The following ALG12 variants were observed in gnomAD, a reference collection of about 807,000 sequenced individuals.
ALG12 encodes ALG12 alpha-1,6-mannosyltransferase, also known as dol-P-Man:Man(7)GlcNAc(2)-PP-Dol alpha-1,6-mannosyltransferase.
A neutral mutation model predicts 46.0 loss-of-function variants in ALG12; 36 were observed. The observed-to-expected ratio is 0.78, with a 90% confidence interval of 0.60 to 1.03. The LOEUF is 1.03. ALG12 is among the 50% of genes least tolerant of loss of function. ALG12 has a pLI of 0.00. For missense variants in ALG12, 599 were observed against 633.5 expected, an observed-to-expected ratio of 0.95 and a Z score of 0.58; for synonymous variants, 326 against 291.6, an observed-to-expected ratio of 1.12 and a Z score of -1.20.
At chr22:49,875,835 G>A in the ALG12 span, among the ~76,000 whole-genome samples, 1 of 152,052 alleles carries the variant, frequency 6.6e-6, no homozygotes, top group African/African-American at 2.4e-5. Flanking sequence ...ATTCCTGGTA[G>A]TGGTAAATTC....
chr22:49,915,917 G>A (rs2060606763), intron 1 of ALG12, among the ~76,000 whole-genome samples: 1 of 152,160 alleles, frequency 6.6e-6, no homozygotes, highest in Admixed American at 6.5e-5. Context: ...GAAGAAATCG[G>A]TAAAAACTCC....
the ALG12 span, chr22:49,884,586 C>G: frequency 6.2e-7 from 1 of 1,612,578 alleles, no homozygotes; most frequent in Non-Finnish European, 8.5e-7. Flanking sequence ...TCTGCATTCA[C>G]TGCATGAACG....
chr22:49,898,872 C>T (rs1464769285), downstream of ALG12, among the ~76,000 whole-genome samples: 2 of 152,152 alleles, frequency 1.3e-5, no homozygotes, highest in East Asian at 3.8e-4. Flanking sequence ...CCTGCCTCAG[C>T]CTCTCTAGTA....
the ALG12 span, chr22:49,887,287 C>T: frequency 1.7e-6 from 2 of 1,209,994 alleles, no homozygotes; most frequent in Non-Finnish European, 2.3e-6. Context: ...TCAGACCAGG[C>T]ACTCTCAGGG....
downstream of ALG12, among the ~76,000 whole-genome samples, chr22:49,898,195 C>G (rs764556006): frequency 1.3e-4 from 20 of 151,392 alleles, no homozygotes; most frequent in African/African-American, 4.4e-4. Flanking sequence ...TTTGTAGGGA[C>G]GGAGTATCAC....
chr22:49,909,679 C>T (rs1340886228), intron 5 of ALG12, among the ~76,000 whole-genome samples: 1 of 152,246 alleles, frequency 6.6e-6, no homozygotes, highest in South Asian at 2.1e-4. Flanking sequence ...AGCCCAAGGA[C>T]AAGGGACAGA....
In ALG12 at chr22:49,902,985, G is replaced by A. The variant is rs2060522476; in HGVS notation, c.*853C>T. On this transcript the variant is annotated 3_prime_UTR_variant, in exon 10 of 10. Transcript: ENST00000330817. ...GCACGTGTGCACTGTGTGCATGCGT[G>A]TGTGGTGTGTGTGCATGTATGCATG... 1 of 331,686 alleles carries A rather than the reference G, an allele frequency of 3.0e-6. No homozygotes were observed. The highest frequency in any genetic ancestry group is 2.2e-5 in the African/African-American group (1 of 45,334). The allele number at this position is 331,686 out of a possible 1,614,324, so 20.5% of individuals were successfully genotyped here. A position where few individuals can be genotyped will look rare whatever the true frequency, so the allele number is the denominator to read the frequency against.
chr22:49,862,196 G>A, the ALG12 span, among the ~76,000 whole-genome samples: 5 of 152,240 alleles, frequency 3.3e-5, no homozygotes, highest in Non-Finnish European at 7.3e-5. Context: ...CCCCGAGGGC[G>A]GTTGGCCCTG....
chr22:49,908,924 C>G (rs982110302), intron 6 of ALG12, among the ~76,000 whole-genome samples: 5 of 150,176 alleles, frequency 3.3e-5, no homozygotes, highest in African/African-American at 1.2e-4. Flanking sequence ...TGTACTCCAG[C>G]CTGGGCGACA....
At chr22:49,892,230 A>AGAG in the ALG12 span, among the ~76,000 whole-genome samples, 1 of 151,072 alleles carries the variant, frequency 6.6e-6, no homozygotes, top group South Asian at 2.1e-4. Context: ...AAGACATCAG[A>AGAG]GAGTAAGACA....
intron 3 of ALG12, among the ~76,000 whole-genome samples, chr22:49,911,686 G>A (rs1309056759): frequency 1.3e-5 from 2 of 152,200 alleles, no homozygotes; most frequent in East Asian, 1.9e-4. Flanking sequence ...CCCCCGCCTC[G>A]GCCTCCCAAA....
chr22:49,883,885 T>C, the ALG12 span: 1 of 1,606,024 alleles, frequency 6.2e-7, no homozygotes, highest in Non-Finnish European at 8.5e-7. Context: ...GGGGAAGTAC[T>C]TGTCTGCAGA....
chr22:49,897,312 G>C (rs753189261), downstream of ALG12, among the ~76,000 whole-genome samples: 4 of 152,186 alleles, frequency 2.6e-5, no homozygotes, highest in Non-Finnish European at 4.4e-5. Context: ...TTGTGTGGAC[G>C]TAAGTTTTCA....
At position 49,917,643 on chromosome 22, in the gene ALG12, G is replaced by T. The variant is rs141861124; in HGVS notation, c.-79+620C>A. Among the ~76,000 whole-genome samples the T allele has an allele frequency of 2.0e-3, 308 of 152,106 alleles. 2 individuals carry two copies. The highest frequency in any genetic ancestry group is 0.014 in the Middle Eastern group (4 of 292). On this transcript the variant is annotated intron_variant, in intron 1 of 9. Transcript: ENST00000330817. ...AGATCGCGCCACTGCACTCCAGCCT[G>T]GGCGACAAAGTGAGACTCCGTCTCA...
the ALG12 span, among the ~76,000 whole-genome samples, chr22:49,891,417 G>A: frequency 3.9e-5 from 6 of 152,154 alleles, no homozygotes; most frequent in African/African-American, 7.2e-5. Flanking sequence ...TCTGTTAATC[G>A]TCAGTCCTCT....
chr22:49,893,600 A>G, the ALG12 span, among the ~76,000 whole-genome samples: 1 of 152,208 alleles, frequency 6.6e-6, no homozygotes, highest in Admixed American at 6.5e-5. Context: ...TTTTGGACAA[A>G]ACAAAAAATT....
chr22:49,881,206 G>C, the ALG12 span, among the ~76,000 whole-genome samples: 1 of 152,072 alleles, frequency 6.6e-6, no homozygotes, highest in African/African-American at 2.4e-5. Flanking sequence ...GGAATTAGCC[G>C]GGTGTCATGG....
At chr22:49,873,992 G>C in the ALG12 span, among the ~76,000 whole-genome samples, 1 of 152,242 alleles carries the variant, frequency 6.6e-6, no homozygotes, top group Admixed American at 6.5e-5. Context: ...CCGAGAACAA[G>C]AATGAGCTTG....
In ALG12 at chr22:49,903,066, C is replaced by G. The variant is rs1246634953; in HGVS notation, c.*772G>C. The G allele has an allele frequency of 2.9e-6, 1 of 350,304 alleles. No individual in the cohort carries two copies. Among genetic ancestry groups the G allele is most frequent in the East Asian group, 7.9e-5 (1 of 12,732 alleles). 21.7% of individuals were successfully genotyped at this position (350,304 alleles called of 1,614,324 possible). A position where few individuals can be genotyped will look rare whatever the true frequency, so the allele number is the denominator to read the frequency against. ...TCCCATCTCCAGTGCCCAGCAGCAT[C>G]ACACGCACTTTGGTGCTTTATAAAT... On this transcript the variant is annotated 3_prime_UTR_variant, in exon 10 of 10. Coordinates refer to ENST00000330817, the MANE Select transcript of ALG12 (RefSeq NM_024105.4).
Sources: gnomAD v4.1 joint callset for allele counts (sites outside exome capture counted in the v4.1 genomes callset) on GRCh38, gnomAD v4.1.1 for gene constraint, MANE v1.5 for transcripts, NCBI Gene and HGNC (gene_info 2026-07-23, HGNC 2026-07-21) for gene names.